GPC6: variants seen among roughly 807,000 people sequenced by gnomAD.
GPC6 encodes the protein glypican 6, also known as glypican-6.
GPC6 carries 14 observed loss-of-function variants against 55.2 expected under a neutral mutation model. That is an observed-to-expected ratio of 0.25 (90% CI 0.17 to 0.40). The LOEUF is 0.40. GPC6 is among the 10% of genes least tolerant of loss of function. GPC6 has a pLI of 1.00. For missense variants in GPC6, 641 were observed against 708.5 expected (o/e 0.90, Z 1.08); for synonymous variants, 278 against 259.6 (o/e 1.07, Z -0.68).
intron 3 of GPC6, among the ~76,000 whole-genome samples, chr13:93,839,768 G>C (rs1887881759): frequency 6.6e-6 from 1 of 152,108 alleles, no homozygotes; most frequent in Non-Finnish European, 1.5e-5. Context: ...AGGTTTCTGA[G>C]CCAAGATCTT....
At chr13:93,991,215 T>C (rs1015012849) in intron 3 of GPC6, among the ~76,000 whole-genome samples, 6 of 152,162 alleles carry the variant, frequency 3.9e-5, no homozygotes, top group African/African-American at 1.4e-4. Flanking sequence ...AAGGGAATCA[T>C]ATGATGAAAT....
chr13:94,121,140 C>G (rs1193247722), intron 4 of GPC6, among the ~76,000 whole-genome samples: 1 of 152,014 alleles, frequency 6.6e-6, no homozygotes, highest in Non-Finnish European at 1.5e-5. Context: ...ATGACTAAAC[C>G]TCTTTCAACA....
chr13:93,684,111 C>A (rs1047041688), intron 2 of GPC6, among the ~76,000 whole-genome samples: 1 of 152,112 alleles, frequency 6.6e-6, no homozygotes, highest in Non-Finnish European at 1.5e-5. Flanking sequence ...ATTGGCAGAA[C>A]ACAAGCATGC....
In GPC6 at chr13:93,501,168, A is replaced by C. The variant is rs572803987; in HGVS notation, c.161-44095A>C. On this transcript the variant is annotated intron_variant, in intron 1 of 8. Transcript: ENST00000377047. ...CATTGTTTAATTAAGGAGGATTGCT[A>C]AGCCTGAAAACATAAAGATAGTTGG... is the stretch of plus-strand genomic sequence containing the variant. 1.1e-4 allele frequency among the ~76,000 whole-genome samples: 17 copies of C among 152,262 alleles called. No individual in the cohort carries two copies. The South Asian group carries it at 3.5e-3, about 32-fold the overall frequency.
chr13:93,960,377 C>T (rs538530853), intron 3 of GPC6, among the ~76,000 whole-genome samples: 3 of 152,288 alleles, frequency 2.0e-5, no homozygotes, highest in South Asian at 2.1e-4. Context: ...TCTCCGTAGG[C>T]GGTAGTGTGT....
chr13:94,014,006 T>C (rs113287901), intron 3 of GPC6, among the ~76,000 whole-genome samples: 1,836 of 152,338 alleles, frequency 0.012, 30 homozygotes, highest in African/African-American at 0.036. Flanking sequence ...ATAGGCTGAA[T>C]ATTTTATCAC....
rs35858695 is a variant in GPC6 at position 93,930,275 on chromosome 13, G to GTTTTTTTTTTTT, written c.712-97452_712-97441dup. Among the ~76,000 whole-genome samples, 473 of 123,770 alleles carry GTTTTTTTTTTTT rather than the reference G, an allele frequency of 3.8e-3. 32 individuals are homozygous for GTTTTTTTTTTTT. The highest frequency in any genetic ancestry group is 0.014 in the African/African-American group (438 of 31,230). 81.2% of individuals were successfully genotyped at this position (123,770 alleles called of 152,430 possible). A position where few individuals can be genotyped will look rare whatever the true frequency, so the allele number is the denominator to read the frequency against. ...TTTTAAAGGTTATTGGAAACGAAAGGTTTTTTTTTTTTTGTAGACAGAGTC... is the reference window on the plus strand; with the variant it reads ...TTTTAAAGGTTATTGGAAACGAAAGGTTTTTTTTTTTTTTTTTTTTTTTTTGTAGACAGAGTC... On this transcript the variant is annotated intron_variant, in intron 3 of 8. Coordinates refer to ENST00000377047, the MANE Select transcript of GPC6 (RefSeq NM_005708.5).
chr13:93,343,160 T>A (rs531488047), intron 1 of GPC6, among the ~76,000 whole-genome samples: 1 of 139,750 alleles, frequency 7.2e-6, no homozygotes, highest in Admixed American at 7.9e-5. Context: ...TTAACCTGAA[T>A]GTCTGTACAT....
intron 6 of GPC6, among the ~76,000 whole-genome samples, chr13:94,346,669 C>T (rs1415558033): frequency 1.3e-5 from 2 of 149,426 alleles, no homozygotes; most frequent in Non-Finnish European, 3.0e-5. Flanking sequence ...TGCAGTGAGC[C>T]GAGATCATGC....
intron 4 of GPC6, among the ~76,000 whole-genome samples, chr13:94,161,481 A>T (rs1888161039): frequency 6.6e-6 from 1 of 152,228 alleles, no homozygotes; most frequent in Non-Finnish European, 1.5e-5. Context: ...ATGTCTTATT[A>T]GCATGTTGAC....
At chr13:93,532,122 C>T (rs561463712) in intron 1 of GPC6, among the ~76,000 whole-genome samples, 7 of 152,260 alleles carry the variant, frequency 4.6e-5, no homozygotes, top group South Asian at 4.1e-4. Context: ...ACAGTGAATA[C>T]GAGGATATTT....
intron 4 of GPC6, among the ~76,000 whole-genome samples, chr13:94,089,541 A>G (rs1437120167): frequency 1.3e-5 from 2 of 152,100 alleles, no homozygotes; most frequent in Non-Finnish European, 2.9e-5. Flanking sequence ...TAATGCACAT[A>G]TTTTCTTCCT....
At chr13:93,438,275 A>G (rs1175000698) in intron 1 of GPC6, among the ~76,000 whole-genome samples, 1 of 152,184 alleles carries the variant, frequency 6.6e-6, no homozygotes. Flanking sequence ...AGTCATTTCG[A>G]CTTTCAAATC....
chr13:93,365,942 C>T (rs1881231466), intron 1 of GPC6, among the ~76,000 whole-genome samples: 1 of 151,988 alleles, frequency 6.6e-6, no homozygotes, highest in Non-Finnish European at 1.5e-5. Context: ...AAATATTGTT[C>T]ATGTTCTATT....
chr13:93,759,374 A>C (rs577198854), intron 2 of GPC6, among the ~76,000 whole-genome samples: 2 of 152,280 alleles, frequency 1.3e-5, no homozygotes, highest in African/African-American at 4.8e-5. Context: ...ACTGATTCCT[A>C]TGTCAGCATT....
chr13:93,775,296 C>A (rs1330841056), intron 2 of GPC6, among the ~76,000 whole-genome samples: 1 of 152,138 alleles, frequency 6.6e-6, no homozygotes, highest in Non-Finnish European at 1.5e-5. Flanking sequence ...CACACTGCCT[C>A]CTGGCATTCT....
chr13:93,366,948 A>T (rs562189690), intron 1 of GPC6, among the ~76,000 whole-genome samples: 84 of 152,224 alleles, frequency 5.5e-4, no homozygotes, highest in African/African-American at 1.9e-3. Context: ...TCAATTATTC[A>T]TTCAGCAAAT....
intron 4 of GPC6, among the ~76,000 whole-genome samples, chr13:94,103,796 T>C (rs984547529): frequency 1.1e-4 from 17 of 152,204 alleles, no homozygotes; most frequent in Non-Finnish European, 2.4e-4. Context: ...CTTTGTCAGA[T>C]GGGTAGATTG....
intron 1 of GPC6, among the ~76,000 whole-genome samples, chr13:93,435,079 C>A (rs1877517232): frequency 6.6e-6 from 1 of 151,988 alleles, no homozygotes; most frequent in Non-Finnish European, 1.5e-5. Context: ...GTTTATAGAT[C>A]AATGAGACAT....
Sources: gnomAD v4.1 joint callset for allele counts (sites outside exome capture counted in the v4.1 genomes callset) on GRCh38, gnomAD v4.1.1 for gene constraint, MANE v1.5 for transcripts, NCBI Gene and HGNC (gene_info 2026-07-23, HGNC 2026-07-21) for gene names.